The following FAM149A variants were observed in gnomAD, a reference collection of about 807,000 sequenced individuals.
The protein encoded by FAM149A is protein FAM149A.
Under a neutral mutation model 78.2 loss-of-function variants are expected in FAM149A, and 71 were observed. That is an observed-to-expected ratio of 0.91 (90% CI 0.75 to 1.11). The LOEUF (loss-of-function observed/expected upper bound fraction) is 1.11, where lower values mean the gene tolerates loss of function less well. Among genes scored for constraint, FAM149A ranks in the 50% least tolerant of loss-of-function variants. The pLI is 0.00. For missense variants in FAM149A, 1,036 were observed against 971.0 expected (o/e 1.07, Z -0.89); for synonymous variants, 446 against 410.5 (o/e 1.09, Z -1.04).
At chr4:186,117,791 A>G in intron 1 of FAM149A, 1 of 787,282 alleles carries the variant, frequency 1.3e-6, no homozygotes, top group Non-Finnish European at 1.5e-6. Flanking sequence ...AGCTAGTAGG[A>G]AGCTCTAGGA....
intron 1 of FAM149A, among the ~76,000 whole-genome samples, chr4:186,143,330 C>G (rs1214352503): frequency 2.0e-5 from 3 of 151,316 alleles, no homozygotes; most frequent in African/African-American, 7.3e-5. Flanking sequence ...TCCTCCCACC[C>G]CTGGCAATAT....
rs1332184899 is a variant in FAM149A at position 186,144,742 on chromosome 4, GGGGCCC to G, written c.567-4428_567-4423del. 2.3e-6 allele frequency: 2 copies of G among 866,652 alleles called. No homozygotes were observed. Among genetic ancestry groups the G allele is most frequent in the Non-Finnish European group, 2.7e-6 (2 of 727,836 alleles). 53.7% of individuals were successfully genotyped at this position (866,652 alleles called of 1,614,324 possible). A position where few individuals can be genotyped will look rare whatever the true frequency, so the allele number is the denominator to read the frequency against. On this transcript the variant is annotated intron_variant, in intron 1 of 13. Coordinates refer to ENST00000389354, the MANE Select transcript of FAM149A (RefSeq NM_001367768.3). The surrounding 1 kb of genome is among the most constrained non-coding windows in gnomAD (Gnocchi z 4.2). ...TCGGCGCGGGGCCGGGGCCGGGGCC[GGGGCCC>G]GGAGCGGGGATGGGCGGGCGCAGCC...
At chr4:186,153,481 A>G in intron 4 of FAM149A, 164 bp from the exon 5 acceptor site, 1 of 985,186 alleles carries the variant, frequency 1.0e-6, no homozygotes, top group Non-Finnish European at 1.2e-6. Context: ...AGTCTGGCCT[A>G]AACTCTCAAA....
At chr4:186,155,923 C>T (rs892892848) in intron 6 of FAM149A, 77 bp from the exon 7 acceptor site, 38 of 1,146,162 alleles carry the variant, frequency 3.3e-5, no homozygotes, top group East Asian at 9.6e-5. Context: ...CATGTACATA[C>T]GTGAATGTGT....
At chr4:186,134,815 T>A (rs1217973317) in intron 1 of FAM149A, among the ~76,000 whole-genome samples, 1 of 152,088 alleles carries the variant, frequency 6.6e-6, no homozygotes, top group Non-Finnish European at 1.5e-5. Context: ...GAGACCTCGC[T>A]TTTTCTTCTC....
chr4:186,133,126 T>C, intron 1 of FAM149A: 1 of 985,400 alleles, frequency 1.0e-6, no homozygotes, highest in Non-Finnish European at 1.2e-6. Flanking sequence ...GAGTCATGTA[T>C]TGTCTCGACT....
At chr4:186,165,226 A>G (rs1734936335) in intron 10 of FAM149A, 118 bp from the exon 11 acceptor site, 1 of 1,093,336 alleles carries the variant, frequency 9.1e-7, no homozygotes, top group East Asian at 2.4e-5. Flanking sequence ...GCAGAAATCA[A>G]AGACCTCCTG....
Position 186,164,334 on chromosome 4 carries a change from A to C in FAM149A, c.1889+701A>C. 1 of 271,110 alleles carries C rather than the reference A, an allele frequency of 3.7e-6. No individual in the cohort carries two copies. The highest frequency in any genetic ancestry group is 5.7e-6 in the Non-Finnish European group (1 of 176,718). The allele number at this position is 271,110 out of a possible 1,614,324, so 16.8% of individuals were successfully genotyped here. A position where few individuals can be genotyped will look rare whatever the true frequency, so the allele number is the denominator to read the frequency against. The stretch of plus-strand genomic sequence containing the variant: ...GAACAGGCTAAGCCTGCCGGAGATC[A>C]TCCCCGCCAGGAAGAGGCCCAGCCG... On this transcript the variant is annotated intron_variant, in intron 10 of 13. Coordinates refer to ENST00000389354, the MANE Select transcript of FAM149A (RefSeq NM_001367768.3). The surrounding 1 kb of genome is among the most constrained non-coding windows in gnomAD (Gnocchi z 4.0).
intron 1 of FAM149A, among the ~76,000 whole-genome samples, chr4:186,114,020 TG>T (rs1262810927): frequency 7.0e-6 from 1 of 142,732 alleles, no homozygotes; most frequent in African/African-American, 2.6e-5. Flanking sequence ...TATTATTGTG[TG>T]GGAGTCTAAG....
intron 4 of FAM149A, among the ~76,000 whole-genome samples, chr4:186,152,916 G>C (rs55857110): frequency 0.29 from 44,064 of 152,046 alleles, 6,659 homozygotes; most frequent in African/African-American, 0.33. Context: ...CTGAGTTCCT[G>C]TGGATTCTGT....
In FAM149A at chr4:186,107,443, A is replaced by C. The variant is rs143370622; in HGVS notation, c.566+1801A>C. ...TAAATTATTATTACTTTTTGAGATGAGGTCTCCTTCTGTCACCCAGGTTGG... is the reference window on the plus strand; with the variant it reads ...TAAATTATTATTACTTTTTGAGATGCGGTCTCCTTCTGTCACCCAGGTTGG... On this transcript the variant is annotated intron_variant, in intron 1 of 13. Transcript: ENST00000389354. The C allele has an allele frequency of 1.8e-4, 28 of 152,270 alleles. No homozygotes were observed. The East Asian group carries it at 5.4e-3, about 29-fold the overall frequency. 9.4% of individuals were successfully genotyped at this position (152,270 alleles called of 1,614,324 possible). A position where few individuals can be genotyped will look rare whatever the true frequency, so the allele number is the denominator to read the frequency against.
intron 8 of FAM149A, among the ~76,000 whole-genome samples, chr4:186,162,193 A>G (rs1438067048): frequency 6.6e-6 from 1 of 152,222 alleles, no homozygotes; most frequent in Non-Finnish European, 1.5e-5. Flanking sequence ...CCAAGAACAA[A>G]GTAAGCTTTC....
At position 186,144,693 on chromosome 4, in the gene FAM149A, G is replaced by T. The variant is rs896438906; in HGVS notation, c.567-4480G>T. 1.1e-5 allele frequency: 6 copies of T among 552,692 alleles called. No homozygotes were observed. Among genetic ancestry groups the T allele is most frequent in the African/African-American group, 8.2e-5 (4 of 48,844 alleles). The allele number at this position is 552,692 out of a possible 1,614,324, so 34.2% of individuals were successfully genotyped here. A position where few individuals can be genotyped will look rare whatever the true frequency, so the allele number is the denominator to read the frequency against. On this transcript the variant is annotated intron_variant, in intron 1 of 13. Transcript: ENST00000389354. This position sits in a 1 kb window ranked among gnomAD's most constrained non-coding sequence, Gnocchi z 4.2. ...TTGGAAACCCGGCCCGGCAGGGAGC[G>T]GGGAAGGCGCGCTTTCCCGGAGGTC...
At chr4:186,106,293 C>T (rs1352963384) in intron 1 of FAM149A, among the ~76,000 whole-genome samples, 3 of 152,094 alleles carry the variant, frequency 2.0e-5, no homozygotes, top group African/African-American at 7.2e-5. Flanking sequence ...AATCGGAGGC[C>T]GATTCCCTCA....
At position 186,135,976 on chromosome 4, in the gene FAM149A, C is replaced by G. The variant is rs116098460; in HGVS notation, c.567-13197C>G. Among the ~76,000 whole-genome samples, 427 of 152,294 alleles carry G rather than the reference C, an allele frequency of 2.8e-3. 2 individuals are homozygous for G. Among genetic ancestry groups the G allele is most frequent in the African/African-American group, 9.9e-3 (411 of 41,552 alleles). On this transcript the variant is annotated intron_variant, in intron 1 of 13. Transcript: ENST00000389354. ...ACCACGCGTGTGGAGTTGGGGCTTA[C>G]AGATGTATTTTAGCAAGTAGGTGAA...
At chr4:186,111,912 GT>G (rs1224516777) in intron 1 of FAM149A, among the ~76,000 whole-genome samples, 1 of 151,766 alleles carries the variant, frequency 6.6e-6, no homozygotes, top group South Asian at 2.1e-4. Context: ...CTTTAAAGTA[GT>G]TTTTTCCAAT....
intron 8 of FAM149A, among the ~76,000 whole-genome samples, chr4:186,159,407 C>A (rs116347923): frequency 0.012 from 1,838 of 152,006 alleles, 25 homozygotes; most frequent in Non-Finnish European, 0.02. Context: ...CCATTTCAGG[C>A]CAAGCAAAGG....
chr4:186,173,499 C>T lies in FAM149A; in HGVS notation c.*1512C>T, dbSNP rs567346058. Among the ~76,000 whole-genome samples the T allele has an allele frequency of 1.8e-5, 2 of 112,014 alleles. 1 individual carries two copies. The highest frequency in any genetic ancestry group is 5.6e-4 in the South Asian group (2 of 3,592). The allele number at this position is 112,014 out of a possible 152,430, so 73.5% of individuals were successfully genotyped here. The stretch of plus-strand genomic sequence containing the variant: ...TCCTGGGTAGCTAGGATTACAGGTG[C>T]ATGCCACCACACCCAGCTAAATTTT... On this transcript the variant is annotated 3_prime_UTR_variant, in exon 14 of 14. Coordinates refer to ENST00000389354, the MANE Select transcript of FAM149A (RefSeq NM_001367768.3).
rs549996098 is a variant in FAM149A, at chr4:186,138,247, G to A, written c.567-10926G>A. On this transcript the variant is annotated intron_variant, in intron 1 of 13. Coordinates refer to ENST00000389354, the MANE Select transcript of FAM149A (RefSeq NM_001367768.3). ...AGACAGGATGAGTTAGTGAGTGAGT[G>A]TGTGTGTGTGTGTGTTTGCATGTGT... Among the ~76,000 whole-genome samples the A allele has an allele frequency of 6.6e-4, 100 of 151,576 alleles. 1 individual carries two copies. The South Asian group carries it at 0.021, about 31-fold the overall frequency.
Sources: gnomAD v4.1 joint callset for allele counts (sites outside exome capture counted in the v4.1 genomes callset) on GRCh38, gnomAD v4.1.1 for gene constraint, Gnocchi (gnomAD v3.1) non-coding constraint, MANE v1.5 for transcripts, NCBI Gene and HGNC (gene_info 2026-07-23, HGNC 2026-07-21) for gene names.